SLC39A10: variants seen among roughly 807,000 people sequenced by gnomAD.
SLC39A10 encodes solute carrier family 39 member 10.
A neutral mutation model predicts 65.1 loss-of-function variants in SLC39A10; 13 were observed. The observed-to-expected ratio is 0.20, with a 90% CI of 0.13 to 0.32. The LOEUF (loss-of-function observed/expected upper bound fraction) is 0.32. SLC39A10 is among the 10% of genes least tolerant of loss of function. SLC39A10 has a pLI of 1.00. For synonymous variants in SLC39A10, 321 were observed against 342.2 expected, an observed-to-expected ratio of 0.94 and a Z score of 0.68; for missense variants, 831 against 1,018.4, an observed-to-expected ratio of 0.82 and a Z score of 2.50.
At chr2:195,631,770 A>G (rs1688590510) in intron 2 of SLC39A10, among the ~76,000 whole-genome samples, 1 of 152,188 alleles carries the variant, frequency 6.6e-6, no homozygotes, top group Non-Finnish European at 1.5e-5. Flanking sequence ...TATATGTACC[A>G]TCACTTATTA....
intron 3 of SLC39A10, among the ~76,000 whole-genome samples, chr2:195,696,614 G>C (rs572631191): frequency 6.6e-6 from 1 of 152,180 alleles, no homozygotes; most frequent in African/African-American, 2.4e-5. Context: ...GGGATTAGCA[G>C]TGCTAATCCC....
chr2:195,649,017 T>C (rs1436084137), intron 2 of SLC39A10, among the ~76,000 whole-genome samples: 1 of 152,106 alleles, frequency 6.6e-6, no homozygotes, highest in African/African-American at 2.4e-5. Flanking sequence ...AGGCTGTAGG[T>C]GAGATCATCT....
At chr2:195,731,938 C>T (rs2105850349) in intron 9 of SLC39A10, among the ~76,000 whole-genome samples, 1 of 152,288 alleles carries the variant, frequency 6.6e-6, no homozygotes, top group African/African-American at 2.4e-5. Context: ...AATAAAACCT[C>T]ACTACGTGGT....
At chr2:195,713,582 C>G in intron 6 of SLC39A10, 29 bp downstream of exon 6, 1 of 1,536,974 alleles carries the variant, frequency 6.5e-7, no homozygotes, top group Non-Finnish European at 8.7e-7. Context: ...TCAAGACAAA[C>G]TTTTTTCTTT....
At chr2:195,638,089 C>G (rs764872977) in intron 2 of SLC39A10, among the ~76,000 whole-genome samples, 1 of 152,136 alleles carries the variant, frequency 6.6e-6, no homozygotes, top group African/African-American at 2.4e-5. Flanking sequence ...AGGATGAAGA[C>G]TGTGAAAAGT....
intron 6 of SLC39A10, 36 bp downstream of exon 6, chr2:195,713,589 CT>C (rs761635413): frequency 0.089 from 89,903 of 1,015,002 alleles, 32 homozygotes; most frequent in South Asian, 0.14. Context: ...AAACTTTTTT[CT>C]TTTTTTTTTT....
In SLC39A10 at chr2:195,671,626, A is replaced by G. The variant is rs139389318; in HGVS notation, c.-11-8406A>G. Reference sequence around the variant, plus strand: ...AGGGTTGAGTGGTATATGGGCTTCTACCATTTCCCCCATTCCTGTCTCCAT... The same window carrying G: ...AGGGTTGAGTGGTATATGGGCTTCTGCCATTTCCCCCATTCCTGTCTCCAT... On this transcript the variant is annotated intron_variant, in intron 1 of 9. Coordinates refer to ENST00000359634, the MANE Select transcript of SLC39A10 (RefSeq NM_020342.3). The G allele has an allele frequency of 9.2e-5, 14 of 152,328 alleles. No individual in the cohort carries two copies. In the East Asian group the frequency reaches 2.5e-3, roughly 27 times the overall value. 9.4% of individuals were successfully genotyped at this position (152,328 alleles called of 1,614,324 possible).
intron 2 of SLC39A10, among the ~76,000 whole-genome samples, chr2:195,618,453 G>C (rs557434299): frequency 6.6e-6 from 1 of 152,004 alleles, no homozygotes; most frequent in Non-Finnish European, 1.5e-5. Flanking sequence ...GTAAGTCATA[G>C]AGTACCAAAG....
intron 2 of SLC39A10, among the ~76,000 whole-genome samples, chr2:195,639,000 G>A (rs905912442): frequency 6.6e-6 from 1 of 150,592 alleles, no homozygotes; most frequent in African/African-American, 2.4e-5. Context: ...CTGGTGCCCC[G>A]GCTGGAGTGC....
At chr2:195,681,418 C>A (rs576347999) in intron 2 of SLC39A10, among the ~76,000 whole-genome samples, 2 of 151,858 alleles carry the variant, frequency 1.3e-5, no homozygotes, top group African/African-American at 4.8e-5. Context: ...CCCAGCTACT[C>A]GGGAGGCTGA....
intron 1 of SLC39A10, among the ~76,000 whole-genome samples, chr2:195,661,489 CTTGGCCTCCCAAA>C (rs901515110): frequency 2.6e-5 from 4 of 152,232 alleles, no homozygotes; most frequent in Non-Finnish European, 4.4e-5. Context: ...ATCCTCCCAT[CTTGGCCTCCCAAA>C]GTGCTGGGAT....
rs1194001660 is a variant in SLC39A10 at position 195,737,586 on chromosome 2, G to A, written c.*2545G>A. 6.2e-6 allele frequency: 1 copy of A among 161,914 alleles called. No individual in the cohort carries two copies. The highest frequency in any genetic ancestry group is 2.7e-5 in the African/African-American group (1 of 37,104). 10.0% of individuals were successfully genotyped at this position (161,914 alleles called of 1,614,324 possible). The stretch of plus-strand genomic sequence containing the variant: ...GAATCATTTTTTAACTTAAAAAGCT[G>A]GAAAATATCAAATGCTGTTTTTTTT... On this transcript the variant is annotated 3_prime_UTR_variant, in exon 10 of 10. Transcript: ENST00000359634.
intron 2 of SLC39A10, among the ~76,000 whole-genome samples, chr2:195,613,664 C>T (rs535802267): frequency 6.6e-6 from 1 of 152,206 alleles, no homozygotes; most frequent in African/African-American, 2.4e-5. Context: ...CAGATTAAAG[C>T]TTTTAGACTG....
chr2:195,675,137 T>C (rs959951624), intron 1 of SLC39A10, among the ~76,000 whole-genome samples: 3 of 152,108 alleles, frequency 2.0e-5, no homozygotes, highest in African/African-American at 7.2e-5. Context: ...TTTTTCTCCC[T>C]GGATAAAAAG....
At chr2:195,619,544 G>A (rs995936726) in intron 2 of SLC39A10, among the ~76,000 whole-genome samples, 1 of 152,082 alleles carries the variant, frequency 6.6e-6, no homozygotes, top group African/African-American at 2.4e-5. Flanking sequence ...GCCTAGCTAT[G>A]GTGTGTTTAG....
rs372810634 is a variant in SLC39A10, at chr2:195,681,010, C to A, written c.968C>A (p.Ser323Tyr). ...CATGTTAAAAATAATGCAATAATTT[C>A]TTTGAGAAAAGATCTAAATGAAGAT... ...APHVKNNAII[S>Y]LRKDLNEDDH... is the part of the protein sequence containing the mutation. The change falls in exon 2 of 10, where the codon TCT (serine) becomes TAT (tyrosine). Residue 323 changes from serine (S) to tyrosine (Y), a missense_variant. Ser to Tyr is a moderately radical substitution (Grantham distance 144, BLOSUM62 -2). Coordinates refer to ENST00000359634, the MANE Select transcript of SLC39A10 (RefSeq NM_020342.3). 3.1e-6 allele frequency: 5 copies of A among 1,612,552 alleles called. No individual in the cohort carries two copies. The highest frequency in any genetic ancestry group is 1.7e-4 in the Middle Eastern group (1 of 6,056).
At chr2:195,630,612 C>T (rs1022300403) in intron 2 of SLC39A10, among the ~76,000 whole-genome samples, 1 of 152,214 alleles carries the variant, frequency 6.6e-6, no homozygotes, top group African/African-American at 2.4e-5. Context: ...AGAGGCCTAA[C>T]ACACCCAACA....
chr2:195,666,230 A>T (rs1019509504), intron 1 of SLC39A10, among the ~76,000 whole-genome samples: 1 of 152,180 alleles, frequency 6.6e-6, no homozygotes, highest in African/African-American at 2.4e-5. Flanking sequence ...TCTGAAACAT[A>T]AAAAAAGTCA....
chr2:195,637,670 G>A (rs544402640), intron 2 of SLC39A10, among the ~76,000 whole-genome samples: 1 of 152,306 alleles, frequency 6.6e-6, no homozygotes, highest in South Asian at 2.1e-4. Flanking sequence ...CCATAATTGA[G>A]GCACAACAGG....
Sources: allele counts gnomAD v4.1 joint callset (sites outside exome capture counted in the v4.1 genomes callset), GRCh38; gene constraint gnomAD v4.1.1; transcripts MANE v1.5; gene names NCBI Gene and HGNC (gene_info 2026-07-23, HGNC 2026-07-21).